ZC2HC1B: variants seen among roughly 807,000 people sequenced by gnomAD.
ZC2HC1B encodes the protein zinc finger C2HC domain-containing protein 1B.
Under a neutral mutation model 31.0 loss-of-function variants are expected in ZC2HC1B, and 36 were observed. The observed-to-expected ratio is 1.16, with a 90% CI of 0.89 to 1.54. The LOEUF is 1.54. ZC2HC1B is among the 40% of genes most tolerant of loss of function. The pLI is 0.00. For synonymous variants in ZC2HC1B, 73 were observed against 88.0 expected (o/e 0.83, Z 0.95); for missense variants, 260 against 268.6 (o/e 0.97, Z 0.22).
Position 143,911,425 on chromosome 6 carries a change from T to G in ZC2HC1B, c.598+8273T>G, listed in dbSNP as rs1162747685. Among the ~76,000 whole-genome samples, 1 of 152,232 alleles carries G rather than the reference T, an allele frequency of 6.6e-6. No individual in the cohort carries two copies. On this transcript the variant is annotated intron_variant, in intron 6 of 7. Transcript: ENST00000237275. The surrounding 1 kb of genome is among the most constrained non-coding windows in gnomAD (Gnocchi z 4.5). The stretch of plus-strand genomic sequence containing the variant: ...TTGTAATGGCTTTTCCTTTCCATAC[T>G]TAGTGCTTCCTTCAGGAGCTCTTGC...
At chr6:143,929,571 T>G (rs143363710) in intron 6 of ZC2HC1B, among the ~76,000 whole-genome samples, 3 of 152,216 alleles carry the variant, frequency 2.0e-5, no homozygotes, top group Admixed American at 2.0e-4. Context: ...CTGATGTTGG[T>G]AGCAAAGTGA....
chr6:143,869,485 C>T lies in ZC2HC1B; in HGVS notation c.28+4918C>T, dbSNP rs565570609. Among the ~76,000 whole-genome samples, 22 of 152,206 alleles carry T rather than the reference C, an allele frequency of 1.4e-4. No individual in the cohort carries two copies. The highest frequency in any genetic ancestry group is 5.2e-4 in the Admixed American group (8 of 15,288). Reference sequence around the variant, plus strand: ...ACTTCTTTATCTGTAAAGTGAGTGCCTCTCTCTCTGTAAAGAGAGGCAATG... The same window carrying T: ...ACTTCTTTATCTGTAAAGTGAGTGCTTCTCTCTCTGTAAAGAGAGGCAATG... On this transcript the variant is annotated intron_variant, in intron 1 of 7. Transcript: ENST00000237275. The surrounding 1 kb of genome is among the most constrained non-coding windows in gnomAD (Gnocchi z 5.2).
chr6:143,900,042 A>G (rs1777717658), intron 5 of ZC2HC1B, among the ~76,000 whole-genome samples: 2 of 152,312 alleles, frequency 1.3e-5, no homozygotes, highest in South Asian at 4.1e-4. Context: ...CAAAACATCC[A>G]GCTTGTGGCC....
rs1297226304 is a variant in ZC2HC1B at position 143,933,308 on chromosome 6, C to T, written c.599-4341C>T. 6.6e-6 allele frequency among the ~76,000 whole-genome samples: 1 copy of T among 152,158 alleles called. No individual in the cohort carries two copies. The highest frequency in any genetic ancestry group is 2.4e-5 in the African/African-American group (1 of 41,424). On this transcript the variant is annotated intron_variant, in intron 6 of 7. Coordinates refer to ENST00000237275, the MANE Select transcript of ZC2HC1B (RefSeq NM_001013623.3). The surrounding 1 kb of genome is among the most constrained non-coding windows in gnomAD (Gnocchi z 6.4). The stretch of plus-strand genomic sequence containing the variant: ...GTGGTGCTTTTGAGAGTGCGCCAGC[C>T]AGCTGCAATAGTAGAGGGGGATATA...
chr6:143,935,861 A>C (rs1168066688), intron 6 of ZC2HC1B, among the ~76,000 whole-genome samples: 1 of 151,808 alleles, frequency 6.6e-6, no homozygotes, highest in African/African-American at 2.4e-5. Context: ...TGTTTCCCAG[A>C]CTGGTCTTGA....
intron 4 of ZC2HC1B, among the ~76,000 whole-genome samples, chr6:143,894,050 T>C (rs185765042): frequency 6.6e-6 from 1 of 152,352 alleles, no homozygotes; most frequent in East Asian, 1.9e-4. Context: ...CATTTCTTGA[T>C]ATTTATACAA....
At position 143,935,674 on chromosome 6, in the gene ZC2HC1B, T is replaced by TTTG. The variant is rs869162265; in HGVS notation, c.599-1975_599-1974insTTG. 8.9e-3 allele frequency among the ~76,000 whole-genome samples: 1,078 copies of TTTG among 120,632 alleles called. 117 individuals are homozygous for TTTG. Among genetic ancestry groups the TTTG allele is most frequent in the East Asian group, 0.029 (97 of 3,306 alleles). The allele number at this position is 120,632 out of a possible 152,430, so 79.1% of individuals were successfully genotyped here. ...TTTTTTTTTTTTTTTTTTTTTTTTTTGAGACAGGATCTCTCTGTCGCCCAG... is the reference window on the plus strand; with the variant it reads ...TTTTTTTTTTTTTTTTTTTTTTTTTTTTGGAGACAGGATCTCTCTGTCGCCCAG... On this transcript the variant is annotated intron_variant, in intron 6 of 7. Transcript: ENST00000237275.
chr6:143,875,333 A>C (rs1777392723), intron 1 of ZC2HC1B, among the ~76,000 whole-genome samples: 1 of 136,866 alleles, frequency 7.3e-6, no homozygotes, highest in African/African-American at 2.7e-5. Flanking sequence ...TGACTAATCC[A>C]CTCCACCATC....
At chr6:143,907,550 A>G (rs957591543) in intron 6 of ZC2HC1B, among the ~76,000 whole-genome samples, 1 of 152,052 alleles carries the variant, frequency 6.6e-6, no homozygotes, top group Admixed American at 6.5e-5. Context: ...AGCTCTTTTC[A>G]TATGTTTGTT....
rs549557335 is a variant in ZC2HC1B, at chr6:143,877,005, G to A, written c.29-7299G>A. On this transcript the variant is annotated intron_variant, in intron 1 of 7. Coordinates refer to ENST00000237275, the MANE Select transcript of ZC2HC1B (RefSeq NM_001013623.3). Reference sequence around the variant, plus strand: ...TGAATACTTTGCATCCTTCAATTCAGTCAAGTTGACACTCAATATTAACCA... The same window carrying A: ...TGAATACTTTGCATCCTTCAATTCAATCAAGTTGACACTCAATATTAACCA... Among the ~76,000 whole-genome samples the A allele has an allele frequency of 6.6e-5, 10 of 150,502 alleles. No individual in the cohort carries two copies. In the South Asian group the frequency reaches 2.2e-3, roughly 32 times the overall value.
At chr6:143,930,455 C>T (rs1175055907) in intron 6 of ZC2HC1B, among the ~76,000 whole-genome samples, 2 of 145,778 alleles carry the variant, frequency 1.4e-5, no homozygotes, top group African/African-American at 2.5e-5. Flanking sequence ...GGTGCGATCT[C>T]AGCTCACTGC....
At chr6:143,898,831 T>A in intron 5 of ZC2HC1B, 140 bp downstream of exon 5, 1 of 1,112,418 alleles carries the variant, frequency 9.0e-7, no homozygotes, top group Non-Finnish European at 1.2e-6. Context: ...CTCACCCCTG[T>A]GGGAGCTGAC....
At chr6:143,867,343 A>G (rs989792731) in intron 1 of ZC2HC1B, among the ~76,000 whole-genome samples, 1 of 152,200 alleles carries the variant, frequency 6.6e-6, no homozygotes, top group African/African-American at 2.4e-5. Context: ...AGTGTTTGCT[A>G]CCAATTAGAT....
Position 143,903,074 on chromosome 6 carries a change from C to A in ZC2HC1B, c.520C>A (p.Pro174Thr), listed in dbSNP as rs749268573. ...GGCTCAGATGGGTCCAAAAAAAGAA[C>A]CAACTGTTACCAGTGCTGTGGGAGC... ...GRAQMGPKKE[P>T]TVTSAVGALL... The change falls in exon 6 of 8, where the codon CCA becomes ACA. Residue 174 changes from proline (P) to threonine (T), a missense_variant. Physicochemically the swap from Pro to Thr is conservative, Grantham distance 38. Coordinates refer to ENST00000237275, the MANE Select transcript of ZC2HC1B (RefSeq NM_001013623.3). This position sits in a 1 kb window ranked among gnomAD's most constrained non-coding sequence, Gnocchi z 4.3. The A allele has an allele frequency of 9.0e-6, 14 of 1,551,712 alleles. No homozygotes were observed. Among genetic ancestry groups the A allele is most frequent in the South Asian group, 3.6e-5 (3 of 84,070 alleles).
At chr6:143,907,089 C>A (rs994943126) in intron 6 of ZC2HC1B, among the ~76,000 whole-genome samples, 2 of 152,148 alleles carry the variant, frequency 1.3e-5, no homozygotes, top group Non-Finnish European at 2.9e-5. Context: ...GCTCCATCCA[C>A]GTCCCTGCAA....
rs773320363 is a variant in ZC2HC1B, at chr6:143,898,548, T to C, written c.350-4T>C. Reference sequence around the variant, plus strand: ...TTGCCATTTGTTGTTATCTTTACATTCAGATTATATTCAACGTCCATATTG... The same window carrying C: ...TTGCCATTTGTTGTTATCTTTACATCCAGATTATATTCAACGTCCATATTG... On this transcript the variant is annotated splice_polypyrimidine_tract_variant and splice_region_variant and intron_variant, in intron 4 of 7. Transcript: ENST00000237275. The C allele has an allele frequency of 2.6e-6, 4 of 1,551,460 alleles. No homozygotes were observed. In the South Asian group the frequency reaches 3.6e-5, roughly 14 times the overall value.
At chr6:143,879,808 G>C (rs1247312532) in intron 1 of ZC2HC1B, among the ~76,000 whole-genome samples, 3 of 109,548 alleles carry the variant, frequency 2.7e-5, no homozygotes, top group African/African-American at 7.2e-5. Flanking sequence ...TTTTTTTCCT[G>C]CTCAAGTTGT....
intron 6 of ZC2HC1B, among the ~76,000 whole-genome samples, chr6:143,932,325 A>G (rs1778130008): frequency 6.6e-6 from 1 of 151,854 alleles, no homozygotes; most frequent in African/African-American, 2.4e-5. Flanking sequence ...ATAATCTCAA[A>G]CTTCTTGGAG....
Position 143,903,115 on chromosome 6 carries a change from G to C in ZC2HC1B, c.561G>C (p.Arg187Ser), listed in dbSNP as rs1777755542. 3 of 1,551,960 alleles carry C rather than the reference G, an allele frequency of 1.9e-6. No homozygotes were observed. The African/African-American group carries it at 4.1e-5, about 21-fold the overall frequency. ...CTGTGGGAGCTTTGCTGCAGAACAG[G>C]GTCCTGGTGGCCACGAATGAAGTCC... ...TSAVGALLQNRVLVATNEVPT... is the reference protein window; with the variant it reads ...TSAVGALLQNSVLVATNEVPT... Residue 187 changes from arginine to serine, a missense_variant, in exon 6 of 8, where the codon AGG becomes AGC. Arg to Ser is a moderately radical substitution (Grantham distance 110). Coordinates refer to ENST00000237275, the MANE Select transcript of ZC2HC1B (RefSeq NM_001013623.3). This position sits in a 1 kb window ranked among gnomAD's most constrained non-coding sequence, Gnocchi z 4.3.
Sources: gnomAD v4.1 joint callset for allele counts (sites outside exome capture counted in the v4.1 genomes callset) on GRCh38, gnomAD v4.1.1 for gene constraint, Gnocchi (gnomAD v3.1) non-coding constraint, MANE v1.5 for transcripts, NCBI Gene and HGNC (gene_info 2026-07-23, HGNC 2026-07-21) for gene names.